Variants in RNLS observed in about 807,000 individuals in gnomAD.
RNLS encodes the protein renalase.
In RNLS, 39 loss-of-function variants were observed where a neutral mutation model predicts 39.8. That is an observed-to-expected ratio of 0.98 (90% CI 0.76 to 1.28). The LOEUF is 1.28. Among genes scored for constraint, RNLS ranks in the 50% most tolerant of loss-of-function variants. The pLI is 0.00. For synonymous variants in RNLS, 147 were observed against 150.7 expected, an observed-to-expected ratio of 0.98 and a Z score of 0.18; for missense variants, 410 against 413.3, an observed-to-expected ratio of 0.99 and a Z score of 0.07.
chr10:88,338,994 C>T (rs991351953), intron 5 of RNLS, among the ~76,000 whole-genome samples: 4 of 152,120 alleles, frequency 2.6e-5, no homozygotes, highest in Non-Finnish European at 5.9e-5. Flanking sequence ...ATCTCCTGAC[C>T]TCATGATCCT....
intron 4 of RNLS, among the ~76,000 whole-genome samples, chr10:88,560,826 G>A (rs1849137333): frequency 6.6e-6 from 1 of 151,912 alleles, no homozygotes; most frequent in Admixed American, 6.6e-5. Context: ...TCTACATATA[G>A]ACCATCATGG....
intron 6 of RNLS, among the ~76,000 whole-genome samples, chr10:88,299,851 T>A (rs1389982923): frequency 1.3e-5 from 2 of 152,238 alleles, no homozygotes; most frequent in African/African-American, 4.8e-5. Flanking sequence ...GAACATTGAT[T>A]TCCTCATTTA....
At chr10:88,234,931 A>G in the RNLS span, among the ~76,000 whole-genome samples, 2 of 152,070 alleles carry the variant, frequency 1.3e-5, no homozygotes, top group African/African-American at 4.8e-5. Flanking sequence ...GGGTGGATAT[A>G]TTTGGCAATT....
chr10:88,286,106 T>C (rs1221817933), intron 6 of RNLS, among the ~76,000 whole-genome samples: 1 of 152,116 alleles, frequency 6.6e-6, no homozygotes, highest in Non-Finnish European at 1.5e-5. Context: ...CCACCCACTC[T>C]ATGGTATTTT....
intron 6 of RNLS, among the ~76,000 whole-genome samples, chr10:88,301,385 T>G (rs1844505867): frequency 6.6e-6 from 1 of 152,282 alleles, no homozygotes; most frequent in South Asian, 2.1e-4. Flanking sequence ...CTCAACGCAA[T>G]GCTTATGATT....
chr10:88,289,026 GC>G (rs1051661158), intron 6 of RNLS, among the ~76,000 whole-genome samples: 1 of 152,156 alleles, frequency 6.6e-6, no homozygotes, highest in African/African-American at 2.4e-5. Context: ...ACAACCCCTT[GC>G]AAATCCAGGT....
In RNLS at chr10:88,344,056, C is replaced by A. The variant is rs570612316; in HGVS notation, c.700+18496G>T. On this transcript the variant is annotated intron_variant, in intron 5 of 6. Transcript: ENST00000331772. ...TATTTTGGCCTACTCAGCATTATGC[C>A]CTCTATGAAATTTTGTGTTAAGTGG... Among the ~76,000 whole-genome samples the A allele has an allele frequency of 3.3e-5, 5 of 152,156 alleles. No individual in the cohort carries two copies. The South Asian group carries it at 6.2e-4, about 19-fold the overall frequency.
chr10:88,459,055 T>G (rs1276489096), intron 4 of RNLS, among the ~76,000 whole-genome samples: 1 of 151,964 alleles, frequency 6.6e-6, no homozygotes, highest in Non-Finnish European at 1.5e-5. Context: ...AATTTACTGT[T>G]CAATAACAGA....
At chr10:88,337,192 AC>A (rs1297570104) in intron 5 of RNLS, among the ~76,000 whole-genome samples, 1 of 152,182 alleles carries the variant, frequency 6.6e-6, no homozygotes, top group East Asian at 1.9e-4. Flanking sequence ...CTGGTAATCT[AC>A]ATAATAGATG....
chr10:88,433,619 T>A (rs1015696200), intron 4 of RNLS, among the ~76,000 whole-genome samples: 1 of 152,102 alleles, frequency 6.6e-6, no homozygotes, highest in African/African-American at 2.4e-5. Flanking sequence ...TCCTTTGCTT[T>A]TCATTAGTAC....
intron 6 of RNLS, among the ~76,000 whole-genome samples, chr10:88,276,337 ACTT>A (rs1289676388): frequency 1.3e-5 from 2 of 152,072 alleles, no homozygotes; most frequent in Non-Finnish European, 2.9e-5. Flanking sequence ...AATTTCTAGA[ACTT>A]CTTTTGCAAC....
chr10:88,231,116 C>A, the RNLS span, among the ~76,000 whole-genome samples: 4 of 152,196 alleles, frequency 2.6e-5, no homozygotes, highest in African/African-American at 9.7e-5. Context: ...GGCTGAGCTT[C>A]ATCCCCTTCA....
At chr10:88,434,803 T>C (rs1039899902) in intron 4 of RNLS, among the ~76,000 whole-genome samples, 2 of 152,064 alleles carry the variant, frequency 1.3e-5, no homozygotes, top group African/African-American at 4.8e-5. Context: ...ATCTGTGAAA[T>C]AGGAATAAAG....
intron 4 of RNLS, among the ~76,000 whole-genome samples, chr10:88,363,776 C>G (rs1418741652): frequency 6.6e-6 from 1 of 152,132 alleles, no homozygotes; most frequent in African/African-American, 2.4e-5. Flanking sequence ...AATCCTGACT[C>G]TCCACTTACC....
At chr10:88,571,448 T>C (rs1849829939) in intron 4 of RNLS, among the ~76,000 whole-genome samples, 1 of 152,200 alleles carries the variant, frequency 6.6e-6, no homozygotes, top group Non-Finnish European at 1.5e-5. Context: ...GCTTTTCATA[T>C]GTCAATCATA....
At chr10:88,236,344 G>T in the RNLS span, among the ~76,000 whole-genome samples, 2 of 152,200 alleles carry the variant, frequency 1.3e-5, no homozygotes, top group Non-Finnish European at 2.9e-5. Context: ...GCTCTATGGG[G>T]CCTAAGAAAC....
intron 5 of RNLS, among the ~76,000 whole-genome samples, chr10:88,338,119 G>C (rs1176986911): frequency 2.0e-5 from 3 of 152,086 alleles, no homozygotes; most frequent in Admixed American, 2.0e-4. Flanking sequence ...AAAATCAGTT[G>C]GCAGTGATGA....
At chr10:88,363,516 T>C (rs773441054) in intron 4 of RNLS, among the ~76,000 whole-genome samples, 1 of 152,148 alleles carries the variant, frequency 6.6e-6, no homozygotes. Flanking sequence ...CAGTGGATTA[T>C]GGGCAGAAAG....
At position 88,582,637 on chromosome 10, in the gene RNLS, C is replaced by T. The variant is rs146339821; in HGVS notation, c.119-330G>A. Among the ~76,000 whole-genome samples the T allele has an allele frequency of 6.7e-3, 1,028 of 152,340 alleles. 27 individuals are homozygous for T. The South Asian group carries it at 0.083, about 12-fold the overall frequency. On this transcript the variant is annotated intron_variant, in intron 1 of 6. Transcript: ENST00000331772. ...CATGAGAATGACAGGATTCTGCAAA[C>T]TAGATCTTCAGAAAATCTTGGTCTA... is the stretch of plus-strand genomic sequence containing the variant.
Sources: allele counts gnomAD v4.1 joint callset (sites outside exome capture counted in the v4.1 genomes callset), GRCh38; gene constraint gnomAD v4.1.1; transcripts MANE v1.5; gene names NCBI Gene and HGNC (gene_info 2026-07-23, HGNC 2026-07-21).